PDE4D: variants seen among roughly 807,000 people sequenced by gnomAD.
PDE4D encodes the protein 3',5'-cyclic-AMP phosphodiesterase 4D.
In PDE4D, 24 loss-of-function variants were observed where a neutral mutation model predicts 87.4. That is an observed-to-expected ratio of 0.27 (90% CI 0.20 to 0.39). The LOEUF (loss-of-function observed/expected upper bound fraction) is 0.39. Ranked by LOEUF, PDE4D falls within the 10% of genes least tolerant of loss-of-function variation. The probability of loss-of-function intolerance (pLI) is 1.00; values close to 1 mark genes in which losing one functional copy is unlikely to be tolerated. For missense variants in PDE4D, 714 were observed against 1,041.0 expected (o/e 0.69, Z 4.32); for synonymous variants, 384 against 383.2 (o/e 1.00, Z -0.02).
At chr5:60,363,283 C>A (rs1439530606) in intron 1 of PDE4D, among the ~76,000 whole-genome samples, 1 of 152,166 alleles carries the variant, frequency 6.6e-6, no homozygotes, top group African/African-American at 2.4e-5. Flanking sequence ...TGTTTTAAGG[C>A]CGTACTTGGA....
chr5:59,940,914 T>A (rs1757104614), intron 3 of PDE4D, among the ~76,000 whole-genome samples: 1 of 152,096 alleles, frequency 6.6e-6, no homozygotes, highest in Non-Finnish European at 1.5e-5. Flanking sequence ...AACATCTGGG[T>A]CCCTCTCACC....
intron 2 of PDE4D, among the ~76,000 whole-genome samples, chr5:60,128,497 A>G (rs979021522): frequency 2.6e-5 from 4 of 152,166 alleles, no homozygotes; most frequent in African/African-American, 9.7e-5. Flanking sequence ...TTCCCTATTC[A>G]CATACTGATG....
chr5:59,784,403 T>C (rs1021782989), intron 1 of PDE4D, among the ~76,000 whole-genome samples: 17 of 152,146 alleles, frequency 1.1e-4, no homozygotes, highest in Non-Finnish European at 2.5e-4. Context: ...TCTTTCTGAT[T>C]GAATGAAAAG....
rs569386532 is a variant in PDE4D, at chr5:59,020,293, G to A, written c.921+18566C>T. Among the ~76,000 whole-genome samples, 12 of 151,986 alleles carry A rather than the reference G, an allele frequency of 7.9e-5. No individual in the cohort carries two copies. In the South Asian group the frequency reaches 1.3e-3, roughly 16 times the overall value. On this transcript the variant is annotated intron_variant, in intron 6 of 14. Coordinates refer to ENST00000340635, the MANE Select transcript of PDE4D (RefSeq NM_001104631.2). ...AGTTTGAGACCAGCCTGGCCAACAT[G>A]GTGAAACCCCATCTCTACTAAAAAC...
At chr5:59,628,730 T>C (rs955242977) in intron 1 of PDE4D, among the ~76,000 whole-genome samples, 13 of 152,268 alleles carry the variant, frequency 8.5e-5, no homozygotes, top group Admixed American at 8.5e-4. Flanking sequence ...ATGATTTACT[T>C]TGGCATATTA....
At chr5:59,816,573 A>G (rs148266750) in intron 1 of PDE4D, among the ~76,000 whole-genome samples, 1 of 152,346 alleles carries the variant, frequency 6.6e-6, no homozygotes, top group Non-Finnish European at 1.5e-5. Context: ...ATCTAATGAT[A>G]GCAGCATGGC....
At chr5:58,992,094 T>C (rs1435059253) in intron 7 of PDE4D, 90 bp from the exon 8 acceptor site, 1 of 797,810 alleles carries the variant, frequency 1.3e-6, no homozygotes, top group Non-Finnish European at 1.7e-6. Context: ...AATTGATCAT[T>C]ATATATTCCA....
chr5:60,166,971 A>G (rs566317854), intron 2 of PDE4D, among the ~76,000 whole-genome samples: 1 of 152,170 alleles, frequency 6.6e-6, no homozygotes, highest in East Asian at 1.9e-4. Context: ...TGTTGCTTTC[A>G]GGACCCTCTC....
At chr5:59,520,209 G>A (rs539980052) in intron 1 of PDE4D, among the ~76,000 whole-genome samples, 143 of 152,314 alleles carry the variant, frequency 9.4e-4, no homozygotes, top group African/African-American at 3.3e-3. Context: ...GTTATGGTGA[G>A]CCAAGATCAC....
At chr5:60,345,927 C>A (rs1412587273) in intron 1 of PDE4D, among the ~76,000 whole-genome samples, 2 of 152,062 alleles carry the variant, frequency 1.3e-5, no homozygotes, top group Non-Finnish European at 2.9e-5. Context: ...GATAAAATCA[C>A]TGAAGCATTT....
At chr5:59,992,979 GGAGA>G (rs1041267313) in intron 2 of PDE4D, among the ~76,000 whole-genome samples, 1 of 152,104 alleles carries the variant, frequency 6.6e-6, no homozygotes, top group Admixed American at 6.6e-5. Context: ...CCTTTATTTT[GGAGA>G]GAGATGTAAA....
chr5:59,990,132 C>T (rs1762860804), intron 2 of PDE4D, among the ~76,000 whole-genome samples: 1 of 152,160 alleles, frequency 6.6e-6, no homozygotes, highest in African/African-American at 2.4e-5. Context: ...ATCCAGACCT[C>T]ATTTATTACA....
At chr5:60,412,314 G>T (rs1179304595) in intron 1 of PDE4D, among the ~76,000 whole-genome samples, 1 of 152,120 alleles carries the variant, frequency 6.6e-6, no homozygotes, top group African/African-American at 2.4e-5. Flanking sequence ...ACACTGCATC[G>T]TTTTTATAGA....
chr5:59,612,958 T>G (rs540490276), intron 1 of PDE4D, among the ~76,000 whole-genome samples: 1 of 152,200 alleles, frequency 6.6e-6, no homozygotes, highest in Admixed American at 6.5e-5. Context: ...GACCTTCAAT[T>G]TCATTTTGAG....
At chr5:60,343,069 G>A (rs1758441664) in intron 1 of PDE4D, among the ~76,000 whole-genome samples, 1 of 152,110 alleles carries the variant, frequency 6.6e-6, no homozygotes, top group Non-Finnish European at 1.5e-5. Flanking sequence ...CAACTCTAAA[G>A]GGACTAGGAT....
chr5:59,375,597 T>G (rs1784577760), intron 1 of PDE4D, among the ~76,000 whole-genome samples: 1 of 152,174 alleles, frequency 6.6e-6, no homozygotes, highest in African/African-American at 2.4e-5. Context: ...ACAGCTGAAT[T>G]CTACCAGATG....
At chr5:59,514,778 T>C (rs1810882812) in intron 1 of PDE4D, among the ~76,000 whole-genome samples, 4 of 152,192 alleles carry the variant, frequency 2.6e-5, no homozygotes, top group African/African-American at 9.6e-5. Flanking sequence ...ATGCTGATTA[T>C]AACAGAGTGT....
At chr5:59,377,290 G>A (rs761028877) in intron 1 of PDE4D, among the ~76,000 whole-genome samples, 49 of 151,982 alleles carry the variant, frequency 3.2e-4, no homozygotes, top group Admixed American at 1.2e-3. Context: ...GGTGGCGGGC[G>A]CCTGTAGTCC....
chr5:60,000,036 A>T (rs574436606), intron 2 of PDE4D, among the ~76,000 whole-genome samples: 42 of 152,190 alleles, frequency 2.8e-4, no homozygotes, highest in African/African-American at 9.9e-4. Flanking sequence ...CCAGAGATAC[A>T]AAGAGGAAAA....
Sources: gnomAD v4.1 joint callset for allele counts (sites outside exome capture counted in the v4.1 genomes callset) on GRCh38, gnomAD v4.1.1 for gene constraint, MANE v1.5 for transcripts, NCBI Gene and HGNC (gene_info 2026-07-23, HGNC 2026-07-21) for gene names.